Variants in MAGI2 observed in about 807,000 individuals in gnomAD.
The protein encoded by MAGI2 is membrane associated guanylate kinase, WW and PDZ domain containing 2.
MAGI2 carries 35 observed loss-of-function variants against 133.3 expected under a neutral mutation model. The observed-to-expected ratio is 0.26, with a 90% CI of 0.20 to 0.35. MAGI2 has a LOEUF of 0.35. Among genes scored for constraint, MAGI2 ranks in the 10% least tolerant of loss-of-function variants. The probability of loss-of-function intolerance (pLI) is 1.00; values close to 1 mark genes in which losing one functional copy is unlikely to be tolerated. For missense variants in MAGI2, 1,636 were observed against 1,863.4 expected (o/e 0.88, Z 2.25); for synonymous variants, 729 against 710.6 (o/e 1.03, Z -0.41).
intron 20 of MAGI2, among the ~76,000 whole-genome samples, chr7:78,086,241 G>GTT (rs5885041): frequency 0.014 from 1,760 of 126,350 alleles, 55 homozygotes; most frequent in African/African-American, 0.048. Flanking sequence ...AATTTTTAAT[G>GTT]TTTTTTTTTT....
chr7:78,601,738 CA>C (rs1805231471), intron 3 of MAGI2, among the ~76,000 whole-genome samples: 1 of 152,152 alleles, frequency 6.6e-6, no homozygotes, highest in African/African-American at 2.4e-5. Flanking sequence ...CAAATCTGTA[CA>C]CTTTGCAATG....
intron 2 of MAGI2, among the ~76,000 whole-genome samples, chr7:78,927,166 C>T (rs1428208875): frequency 6.6e-6 from 1 of 151,968 alleles, no homozygotes; most frequent in African/African-American, 2.4e-5. Context: ...CATCAGGAAA[C>T]CTAGAGTCTG....
At chr7:78,909,546 T>G (rs1449131403) in intron 2 of MAGI2, among the ~76,000 whole-genome samples, 2 of 134,772 alleles carry the variant, frequency 1.5e-5, no homozygotes, top group Non-Finnish European at 3.0e-5. Flanking sequence ...GAGCTTGCAG[T>G]GAGCCGACAT....
intron 2 of MAGI2, among the ~76,000 whole-genome samples, chr7:78,841,785 T>C (rs1792165508): frequency 6.6e-6 from 1 of 152,074 alleles, no homozygotes; most frequent in African/African-American, 2.4e-5. Context: ...GTGTGGAAGA[T>C]GCTTTGCCCT....
chr7:78,339,657 G>A (rs532282039), intron 9 of MAGI2, among the ~76,000 whole-genome samples: 8 of 152,240 alleles, frequency 5.3e-5, no homozygotes, highest in African/African-American at 1.7e-4. Flanking sequence ...TATTCTAATC[G>A]TAGGCAATAG....
intron 2 of MAGI2, among the ~76,000 whole-genome samples, chr7:78,801,013 G>A (rs1281288249): frequency 6.6e-6 from 1 of 152,126 alleles, no homozygotes; most frequent in Non-Finnish European, 1.5e-5. Context: ...TTTTATTTTA[G>A]CTACAGAGTT....
intron 1 of MAGI2, among the ~76,000 whole-genome samples, chr7:79,357,232 A>T (rs183001734): frequency 7.9e-4 from 121 of 152,328 alleles, no homozygotes; most frequent in Admixed American, 3.3e-3. Context: ...CAAATCGCCA[A>T]CACTGTACCT....
At chr7:78,321,591 C>T (rs1562818797) in intron 9 of MAGI2, among the ~76,000 whole-genome samples, 1 of 152,158 alleles carries the variant, frequency 6.6e-6, no homozygotes, top group Non-Finnish European at 1.5e-5. Context: ...AACTGGGCCC[C>T]TTCCTTACAC....
At chr7:78,667,468 C>A (rs529957881) in intron 2 of MAGI2, among the ~76,000 whole-genome samples, 1 of 150,902 alleles carries the variant, frequency 6.6e-6, no homozygotes, top group East Asian at 1.9e-4. Context: ...TATATATGTG[C>A]CATGCTGGTG....
At chr7:79,292,496 G>C (rs1022007873) in intron 1 of MAGI2, among the ~76,000 whole-genome samples, 1 of 151,642 alleles carries the variant, frequency 6.6e-6, no homozygotes, top group Admixed American at 6.6e-5. Flanking sequence ...GCCAGGTCTG[G>C]TGGCATGTGC....
chr7:79,106,143 C>T (rs1818431261), intron 1 of MAGI2, among the ~76,000 whole-genome samples: 1 of 152,138 alleles, frequency 6.6e-6, no homozygotes, highest in African/African-American at 2.4e-5. Flanking sequence ...ACTATTGATA[C>T]ATGCAGCAAA....
At chr7:78,871,958 T>C (rs938143367) in intron 2 of MAGI2, among the ~76,000 whole-genome samples, 8 of 152,016 alleles carry the variant, frequency 5.3e-5, no homozygotes, top group Non-Finnish European at 1.5e-5. Flanking sequence ...AAATTCATTT[T>C]TGACCTTGCT....
intron 2 of MAGI2, among the ~76,000 whole-genome samples, chr7:78,827,328 C>T (rs1020836184): frequency 6.6e-6 from 1 of 152,034 alleles, no homozygotes; most frequent in African/African-American, 2.4e-5. Context: ...ACTAAGGCTG[C>T]AGTGCAGTAG....
chr7:78,809,004 G>T (rs1171410621), intron 2 of MAGI2, among the ~76,000 whole-genome samples: 1 of 152,188 alleles, frequency 6.6e-6, no homozygotes, highest in African/African-American at 2.4e-5. Context: ...CATGTTCTAA[G>T]GAGTAATATT....
chr7:78,324,810 C>A (rs550133174), intron 9 of MAGI2, among the ~76,000 whole-genome samples: 12 of 152,038 alleles, frequency 7.9e-5, no homozygotes, highest in Admixed American at 5.9e-4. Context: ...AAAACAACAA[C>A]AAAAAACTAG....
chr7:79,326,306 T>C (rs1337653510), intron 1 of MAGI2, among the ~76,000 whole-genome samples: 1 of 152,146 alleles, frequency 6.6e-6, no homozygotes, highest in East Asian at 1.9e-4. Context: ...ATTATAATCA[T>C]TGTTCATAAC....
chr7:78,717,650 C>G (rs1819852581), intron 2 of MAGI2, among the ~76,000 whole-genome samples: 1 of 152,128 alleles, frequency 6.6e-6, no homozygotes, highest in African/African-American at 2.4e-5. Flanking sequence ...TTATTTACTG[C>G]AAACTATATG....
chr7:79,035,606 G>A (rs17406935), intron 1 of MAGI2, among the ~76,000 whole-genome samples: 6,802 of 152,266 alleles, frequency 0.045, 222 homozygotes, highest in South Asian at 0.11. Flanking sequence ...AAGGTGCACA[G>A]TAATTTGACT....
intron 9 of MAGI2, among the ~76,000 whole-genome samples, chr7:78,334,293 G>C (rs534607384): frequency 6.6e-6 from 1 of 152,258 alleles, no homozygotes; most frequent in South Asian, 2.1e-4. Flanking sequence ...TCATCGGAGA[G>C]CAGGCCCATC....
Sources: gnomAD v4.1 joint callset for allele counts (sites outside exome capture counted in the v4.1 genomes callset) on GRCh38, gnomAD v4.1.1 for gene constraint, MANE v1.5 for transcripts, NCBI Gene and HGNC (gene_info 2026-07-23, HGNC 2026-07-21) for gene names.